Variants in MEF2C observed in about 807,000 individuals in gnomAD.
MEF2C encodes the protein myocyte-specific enhancer factor 2C.
A neutral mutation model predicts 50.5 loss-of-function variants in MEF2C; 6 were observed. The ratio of observed to expected loss-of-function variants is 0.12; its 90% CI spans 0.07 to 0.23. The LOEUF (loss-of-function observed/expected upper bound fraction) is 0.23. Ranked by LOEUF, MEF2C falls within the 10% of genes least tolerant of loss-of-function variation. The probability of loss-of-function intolerance (pLI) is 1.00; values close to 1 mark genes in which losing one functional copy is unlikely to be tolerated. For missense variants in MEF2C, 276 were observed against 605.0 expected (o/e 0.46, Z 5.70); for synonymous variants, 183 against 228.0 (o/e 0.80, Z 1.78).
chr5:88,828,776 C>CT (rs960460904), intron 1 of MEF2C, among the ~76,000 whole-genome samples: 2 of 151,952 alleles, frequency 1.3e-5, no homozygotes, highest in African/African-American at 4.8e-5. Context: ...AGAACTTTTA[C>CT]TTTTTTTCCA....
chr5:88,768,451 G>T (rs1780963464), intron 3 of MEF2C, among the ~76,000 whole-genome samples: 1 of 152,166 alleles, frequency 6.6e-6, no homozygotes, highest in African/African-American at 2.4e-5. Context: ...TATATGTCAG[G>T]TGCTGCCAGT....
chr5:88,837,456 CA>C (rs754332436), intron 1 of MEF2C, among the ~76,000 whole-genome samples: 1 of 152,112 alleles, frequency 6.6e-6, no homozygotes, highest in Non-Finnish European at 1.5e-5. Context: ...CAATACTGCA[CA>C]GTGGAAAGAA....
chr5:88,742,815 T>C (rs1366670794), intron 6 of MEF2C: 1 of 985,200 alleles, frequency 1.0e-6, no homozygotes, highest in Non-Finnish European at 1.2e-6. Flanking sequence ...TGGTTTTGTA[T>C]ATGGAAAGTG....
At chr5:88,801,599 TCTC>T (rs1798394935) in intron 3 of MEF2C, among the ~76,000 whole-genome samples, 1 of 151,772 alleles carries the variant, frequency 6.6e-6, no homozygotes, top group African/African-American at 2.4e-5. Context: ...TTCAGGCCAT[TCTC>T]CTGCCTCTCG....
chr5:88,749,860 C>T (rs1003758478), intron 5 of MEF2C, among the ~76,000 whole-genome samples: 1 of 152,000 alleles, frequency 6.6e-6, no homozygotes, highest in African/African-American at 2.4e-5. Context: ...GAAACCCTGT[C>T]TCTACTAAAA....
At chr5:88,865,224 T>C (rs1446211835) in intron 1 of MEF2C, among the ~76,000 whole-genome samples, 1 of 152,134 alleles carries the variant, frequency 6.6e-6, no homozygotes, top group Non-Finnish European at 1.5e-5. Context: ...ATAATTCTCC[T>C]TACAGCCAAG....
chr5:88,732,503 C>T (rs1561703480), intron 6 of MEF2C: 3 of 152,190 alleles, frequency 2.0e-5, no homozygotes, highest in Non-Finnish European at 4.4e-5. Flanking sequence ...TTGCTTTCCT[C>T]CTCACACAGA....
chr5:88,892,683 G>A (rs1834720530), intron 1 of MEF2C, among the ~76,000 whole-genome samples: 1 of 152,016 alleles, frequency 6.6e-6, no homozygotes, highest in African/African-American at 2.4e-5. Flanking sequence ...TTTTTGGGGG[G>A]ATGCTTTATT....
chr5:88,735,868 C>CAAAGTTCTG, intron 6 of MEF2C: 10 of 985,368 alleles, frequency 1.0e-5, no homozygotes, highest in Non-Finnish European at 1.2e-5. Flanking sequence ...TCTTTGAGCT[C>CAAAGTTCTG]AAAGTTCTGA....
intron 3 of MEF2C, among the ~76,000 whole-genome samples, chr5:88,778,603 A>T (rs1021255456): frequency 2.6e-5 from 4 of 152,190 alleles, no homozygotes; most frequent in African/African-American, 9.7e-5. Flanking sequence ...ATGCTGTATA[A>T]AAATTATTTT....
At chr5:88,737,311 A>G in intron 6 of MEF2C, 3 of 985,432 alleles carry the variant, frequency 3.0e-6, no homozygotes, top group Non-Finnish European at 1.2e-6. Flanking sequence ...CCAGGAAATC[A>G]TGTAAGTGCC....
intron 1 of MEF2C, among the ~76,000 whole-genome samples, chr5:88,895,606 A>T (rs796903146): frequency 6.6e-6 from 1 of 152,174 alleles, no homozygotes; most frequent in South Asian, 2.1e-4. Flanking sequence ...GCATATGCGC[A>T]GTTGTGATGT....
At chr5:88,897,035 G>C (rs1417573371) in intron 1 of MEF2C, among the ~76,000 whole-genome samples, 1 of 151,940 alleles carries the variant, frequency 6.6e-6, no homozygotes, top group Non-Finnish European at 1.5e-5. Context: ...CAGAACCATA[G>C]GGTATTATTC....
rs376893384 is a variant in MEF2C, at chr5:88,867,063, C to T, written c.-143+15892G>A. Among the ~76,000 whole-genome samples the T allele has an allele frequency of 7.9e-5, 12 of 152,246 alleles. No individual in the cohort carries two copies. In the South Asian group the frequency reaches 1.9e-3, roughly 24 times the overall value. ...TATCGTAGCTGGAAAAATATATTTTCGCAAATAGTAAGACATTGCTTGTGA... is the reference window on the plus strand; with the variant it reads ...TATCGTAGCTGGAAAAATATATTTTTGCAAATAGTAAGACATTGCTTGTGA... On this transcript the variant is annotated intron_variant, in intron 1 of 10. Transcript: ENST00000504921.
intron 3 of MEF2C, chr5:88,771,464 T>A (rs1782394852): frequency 1.0e-6 from 1 of 985,324 alleles, no homozygotes. Flanking sequence ...ACTCAGGAAC[T>A]CCCTTTTCTG....
chr5:88,869,262 T>TATATATATATATAC (rs1561419194), intron 1 of MEF2C, among the ~76,000 whole-genome samples: 2 of 72,972 alleles, frequency 2.7e-5, no homozygotes, highest in Admixed American at 1.7e-4. Context: ...CATATATATA[T>TATATATATATATAC]ATATATATAT....
At chr5:88,809,840 G>A (rs557124932) in intron 2 of MEF2C, among the ~76,000 whole-genome samples, 2 of 152,214 alleles carry the variant, frequency 1.3e-5, no homozygotes, top group East Asian at 1.9e-4. Context: ...CACCCATCAC[G>A]CTGTAAGGGT....
chr5:88,762,984 A>G (rs1046614063), intron 3 of MEF2C, among the ~76,000 whole-genome samples: 2 of 152,250 alleles, frequency 1.3e-5, no homozygotes, highest in African/African-American at 4.8e-5. Context: ...GGCTCTTATC[A>G]ATGTGTAACA....
chr5:88,753,268 C>T (rs1348464764), intron 4 of MEF2C, among the ~76,000 whole-genome samples: 2 of 152,156 alleles, frequency 1.3e-5, no homozygotes, highest in African/African-American at 4.8e-5. Flanking sequence ...TTATTAATTT[C>T]CCATTTTTCT....
Sources: allele counts gnomAD v4.1 joint callset (sites outside exome capture counted in the v4.1 genomes callset), GRCh38; gene constraint gnomAD v4.1.1; transcripts MANE v1.5; gene names NCBI Gene and HGNC (gene_info 2026-07-23, HGNC 2026-07-21).